RPTOR: variants seen among roughly 807,000 people sequenced by gnomAD.
RPTOR encodes the protein regulatory-associated protein of mTOR.
Under a neutral mutation model 169.9 loss-of-function variants are expected in RPTOR, and 21 were observed. The observed-to-expected ratio is 0.12, with a 90% CI of 0.09 to 0.18. The LOEUF (loss-of-function observed/expected upper bound fraction) is 0.18. Among genes scored for constraint, RPTOR ranks in the 10% least tolerant of loss-of-function variants. The pLI, the probability that RPTOR is intolerant of heterozygous loss-of-function variation, is 1.00. For missense variants in RPTOR, 1,133 were observed against 1,855.9 expected, an observed-to-expected ratio of 0.61 and a Z score of 7.16; for synonymous variants, 732 against 753.2, an observed-to-expected ratio of 0.97 and a Z score of 0.46.
At chr17:80,893,500 T>G (rs1449002976) in intron 19 of RPTOR, among the ~76,000 whole-genome samples, 1 of 141,572 alleles carries the variant, frequency 7.1e-6, no homozygotes, top group South Asian at 2.3e-4. Flanking sequence ...TGCGCCAGGG[T>G]GTGTGTGTAT....
intron 3 of RPTOR, among the ~76,000 whole-genome samples, chr17:80,693,957 C>T (rs1183214711): frequency 2.0e-5 from 3 of 152,178 alleles, no homozygotes; most frequent in African/African-American, 2.4e-5. Context: ...TCCTGGCGGC[C>T]GATGCTCTGC....
chr17:80,864,897 C>T (rs967961080), intron 13 of RPTOR, among the ~76,000 whole-genome samples: 7 of 152,172 alleles, frequency 4.6e-5, no homozygotes, highest in Non-Finnish European at 1.0e-4. Flanking sequence ...GCCTGATCAC[C>T]GCTCACTGTA....
In RPTOR at chr17:80,966,269, T is replaced by C. The variant is rs915868528; in HGVS notation, c.*1939T>C. 6 of 232,778 alleles carry C rather than the reference T, an allele frequency of 2.6e-5. No individual in the cohort carries two copies. The highest frequency in any genetic ancestry group is 2.2e-4 in the Admixed American group (4 of 17,778). The allele number at this position is 232,778 out of a possible 1,614,324, so 14.4% of individuals were successfully genotyped here. On this transcript the variant is annotated 3_prime_UTR_variant, in exon 34 of 34. Transcript: ENST00000306801. ...CCGGCCTAGAGGCTCATTATCTATT[T>C]ATTTTACCAAACGCGAATTGAGACG... is the stretch of plus-strand genomic sequence containing the variant.
chr17:80,698,742 A>T (rs1253070640), intron 3 of RPTOR, among the ~76,000 whole-genome samples: 7 of 152,254 alleles, frequency 4.6e-5, no homozygotes, highest in Admixed American at 4.6e-4. Flanking sequence ...TGCAGGTATA[A>T]TCCGTGAAAG....
intron 20 of RPTOR, among the ~76,000 whole-genome samples, chr17:80,904,460 G>T (rs1192814878): frequency 6.6e-6 from 1 of 152,210 alleles, no homozygotes; most frequent in African/African-American, 2.4e-5. Flanking sequence ...GTCAGCCAGA[G>T]CTCTGAGTAA....
chr17:80,803,125 T>G lies in RPTOR; in HGVS notation c.890+11616T>G, dbSNP rs529471902. On this transcript the variant is annotated intron_variant, in intron 7 of 33. Coordinates refer to ENST00000306801, the MANE Select transcript of RPTOR (RefSeq NM_020761.3). This position sits in a 1 kb window ranked among gnomAD's most constrained non-coding sequence, Gnocchi z 6.2. The stretch of plus-strand genomic sequence containing the variant: ...TCCTGCAGGATTCAGTGCCCTGCCG[T>G]TGTTCCTATGTGCGTGGCTGCAGAC... 6.6e-6 allele frequency: 1 copy of G among 152,426 alleles called. No individual in the cohort carries two copies. The highest frequency in any genetic ancestry group is 1.5e-5 in the Non-Finnish European group (1 of 68,094). The allele number at this position is 152,426 out of a possible 1,614,324, so 9.4% of individuals were successfully genotyped here. A position where few individuals can be genotyped will look rare whatever the true frequency, so the allele number is the denominator to read the frequency against.
chr17:80,905,447 T>A (rs1487528257), intron 20 of RPTOR, among the ~76,000 whole-genome samples: 3 of 131,510 alleles, frequency 2.3e-5, no homozygotes, highest in Admixed American at 7.5e-5. Context: ...AAAAAAAAAA[T>A]TAGCTGGGCG....
intron 16 of RPTOR, among the ~76,000 whole-genome samples, chr17:80,884,582 C>A (rs906828254): frequency 2.0e-5 from 3 of 152,336 alleles, no homozygotes; most frequent in African/African-American, 4.8e-5. Flanking sequence ...CAGTGTCGCT[C>A]CCCTGGCTGA....
rs543643448 is a variant in RPTOR, at chr17:80,960,817, C to T, written c.3606-577C>T. On this transcript the variant is annotated intron_variant, in intron 30 of 33. Transcript: ENST00000306801. The surrounding 1 kb of genome is among the most constrained non-coding windows in gnomAD (Gnocchi z 4.8). ...GGCACACGCGTGGGCACAGCAGCCC[C>T]GGGCACTGCCTCTGCTGAGCACCCC... is the stretch of plus-strand genomic sequence containing the variant. The T allele has an allele frequency of 7.5e-4, 114 of 152,732 alleles. 2 individuals are homozygous for T. Among genetic ancestry groups the T allele is most frequent in the Admixed American group, 2.4e-3 (40 of 16,538 alleles). 9.5% of individuals were successfully genotyped at this position (152,732 alleles called of 1,614,324 possible). A position where few individuals can be genotyped will look rare whatever the true frequency, so the allele number is the denominator to read the frequency against.
chr17:80,830,379 G>A (rs952939732), intron 9 of RPTOR, among the ~76,000 whole-genome samples: 4 of 152,136 alleles, frequency 2.6e-5, no homozygotes, highest in African/African-American at 9.7e-5. Context: ...AAAAAATGGG[G>A]GTTTCTCAGT....
intron 13 of RPTOR, among the ~76,000 whole-genome samples, chr17:80,865,141 C>T (rs1023283404): frequency 7.2e-5 from 11 of 152,306 alleles, no homozygotes; most frequent in African/African-American, 2.4e-4. Flanking sequence ...TGCAGTAGTC[C>T]ATAAACCCTA....
chr17:80,869,632 G>A (rs1168499160), intron 13 of RPTOR, among the ~76,000 whole-genome samples: 6 of 152,144 alleles, frequency 3.9e-5, no homozygotes, highest in African/African-American at 1.4e-4. Flanking sequence ...TGCGTGTCAG[G>A]CAGCAGGATT....
At chr17:80,670,972 G>A (rs1231510028) in intron 3 of RPTOR, among the ~76,000 whole-genome samples, 1 of 152,092 alleles carries the variant, frequency 6.6e-6, no homozygotes, top group Non-Finnish European at 1.5e-5. Context: ...TCCTCGCCGG[G>A]GTCAGTGATC....
intron 1 of RPTOR, among the ~76,000 whole-genome samples, chr17:80,553,353 G>C (rs1479435429): frequency 6.6e-6 from 1 of 152,202 alleles, no homozygotes; most frequent in East Asian, 1.9e-4. Context: ...GTTGAGGCCT[G>C]TGTCCACGGC....
At position 80,708,053 on chromosome 17, in the gene RPTOR, C is replaced by T. The variant is rs1197315474; in HGVS notation, c.507+54C>T. The T allele has an allele frequency of 7.7e-6, 12 of 1,562,708 alleles. No individual in the cohort carries two copies. The highest frequency in any genetic ancestry group is 2.3e-5 in the South Asian group (2 of 85,474). The stretch of plus-strand genomic sequence containing the variant: ...TTTCTGCCAAAAGCCATGCCAATTG[C>T]GGTGGTCGGAGCAGGTCCTGCCCAT... On this transcript the variant is annotated intron_variant, in intron 4 of 33. Coordinates refer to ENST00000306801, the MANE Select transcript of RPTOR (RefSeq NM_020761.3). The surrounding 1 kb of genome is among the most constrained non-coding windows in gnomAD (Gnocchi z 4.2).
intron 7 of RPTOR, among the ~76,000 whole-genome samples, chr17:80,795,961 C>T (rs1324173381): frequency 6.6e-6 from 1 of 152,232 alleles, no homozygotes; most frequent in Non-Finnish European, 1.5e-5. Flanking sequence ...CTGTAAGCGT[C>T]TCCCACGCCT....
chr17:80,733,444 C>T (rs1299388103), intron 5 of RPTOR, among the ~76,000 whole-genome samples: 1 of 152,098 alleles, frequency 6.6e-6, no homozygotes, highest in Non-Finnish European at 1.5e-5. Context: ...AGTCCCTGGC[C>T]CCACGCTTTC....
chr17:80,768,294 G>T (rs1037083304), intron 6 of RPTOR, among the ~76,000 whole-genome samples: 1 of 152,164 alleles, frequency 6.6e-6, no homozygotes, highest in Non-Finnish European at 1.5e-5. Flanking sequence ...CATGGAGTGC[G>T]TGATCTCACT....
intron 3 of RPTOR, among the ~76,000 whole-genome samples, chr17:80,680,867 T>C (rs2065893047): frequency 6.6e-6 from 1 of 152,208 alleles, no homozygotes; most frequent in Admixed American, 6.5e-5. Flanking sequence ...TGGGCTCGTC[T>C]GTGAACAGGT....
Sources: allele counts gnomAD v4.1 joint callset (sites outside exome capture counted in the v4.1 genomes callset), GRCh38; gene constraint gnomAD v4.1.1; non-coding constraint Gnocchi (gnomAD v3.1); transcripts MANE v1.5; gene names NCBI Gene and HGNC (gene_info 2026-07-23, HGNC 2026-07-21).